Variants in MNAT1 observed in about 807,000 individuals in gnomAD.
The protein encoded by MNAT1 is MNAT1 component of CDK activating kinase, also known as CDK-activating kinase assembly factor MAT1.
MNAT1 carries 43 observed loss-of-function variants against 42.0 expected under a neutral mutation model. The observed-to-expected ratio is 1.02, with a 90% CI of 0.80 to 1.32. MNAT1 has a LOEUF of 1.32. MNAT1 is among the 40% of genes most tolerant of loss of function. MNAT1 has a pLI of 0.00. For missense variants in MNAT1, 306 were observed against 350.4 expected, an observed-to-expected ratio of 0.87 and a Z score of 1.01; for synonymous variants, 118 against 120.0, an observed-to-expected ratio of 0.98 and a Z score of 0.11.
rs368501809 is a variant in MNAT1 at position 60,879,885 on chromosome 14, T to C, written c.809+50T>C. 60 of 1,581,430 alleles carry C rather than the reference T, an allele frequency of 3.8e-5. No homozygotes were observed. In the African/African-American group the frequency reaches 4.3e-4, roughly 11 times the overall value. ...TTGAGGAGCTGATATGTGGGACTTA[T>C]TGCTGTTCTTAACTGACATGTTAAC... On this transcript the variant is annotated intron_variant, in intron 7 of 7. Transcript: ENST00000261245.
chr14:60,919,901 A>C (rs1043709167), intron 7 of MNAT1: 2 of 162,540 alleles, frequency 1.2e-5, no homozygotes, highest in Admixed American at 6.5e-5. Context: ...GCAGAGAGGC[A>C]GGTTGACTAT....
intron 7 of MNAT1, among the ~76,000 whole-genome samples, chr14:60,908,467 C>T (rs1381924344): frequency 6.6e-6 from 1 of 151,592 alleles, no homozygotes; most frequent in Non-Finnish European, 1.5e-5. Context: ...GCTATCCCTC[C>T]CCCAACCCCC....
Position 60,812,022 on chromosome 14 carries a change from A to G in MNAT1, c.456A>G (p.Glu152=), listed in dbSNP as rs570275790. The G allele has an allele frequency of 2.1e-5, 33 of 1,603,020 alleles. No homozygotes were observed. The South Asian group carries it at 3.3e-4, about 16-fold the overall frequency. Reference sequence around the variant, plus strand: ...AGGAAGAACTGGAAGAAGCTTTAGAAGTGGAACGACAGGAAAATGAACAAA... The same window carrying G: ...AGGAAGAACTGGAAGAAGCTTTAGAGGTGGAACGACAGGAAAATGAACAAA... The part of the protein sequence containing the change: ...REQEELEEAL[E]VERQENEQRR... The change falls in exon 5 of 8, where the codon GAA becomes GAG. Residue 152 remains glutamate, a synonymous_variant. Transcript: ENST00000261245.
At chr14:60,913,426 T>C (rs1353848412) in intron 7 of MNAT1, among the ~76,000 whole-genome samples, 3 of 152,218 alleles carry the variant, frequency 2.0e-5, no homozygotes, top group African/African-American at 4.8e-5. Context: ...TTTCCAGTTT[T>C]TCTGCTCTGT....
intron 6 of MNAT1, among the ~76,000 whole-genome samples, chr14:60,828,817 C>G (rs1022947751): frequency 6.6e-6 from 1 of 152,092 alleles, no homozygotes; most frequent in Non-Finnish European, 1.5e-5. Context: ...GCTCATGGAA[C>G]TTTGGGAAAC....
At chr14:60,927,621 T>C (rs2035793835) in intron 7 of MNAT1, among the ~76,000 whole-genome samples, 1 of 152,202 alleles carries the variant, frequency 6.6e-6, no homozygotes, top group African/African-American at 2.4e-5. Context: ...GTTTTGTAAG[T>C]AAAGTCTGAT....
chr14:60,838,943 C>A (rs907726194), intron 6 of MNAT1, among the ~76,000 whole-genome samples: 5 of 152,170 alleles, frequency 3.3e-5, no homozygotes, highest in African/African-American at 1.2e-4. Flanking sequence ...GTCACCTCAG[C>A]CCCCTCTGGA....
chr14:60,940,321 C>G (rs992385013), intron 7 of MNAT1, among the ~76,000 whole-genome samples: 2 of 152,218 alleles, frequency 1.3e-5, no homozygotes, highest in Non-Finnish European at 2.9e-5. Context: ...CAGTTTCTTC[C>G]TAGCCTCGAT....
intron 7 of MNAT1, among the ~76,000 whole-genome samples, chr14:60,907,782 CAAAAAAAAAAA>C (rs71114166): frequency 1.3e-5 from 1 of 77,574 alleles, no homozygotes; most frequent in African/African-American, 5.0e-5. Context: ...AACTGTGTCT[CAAAAAAAAAAA>C]AAAAAAAAAA....
At chr14:60,837,620 T>G (rs1257931416) in intron 6 of MNAT1, among the ~76,000 whole-genome samples, 1 of 152,226 alleles carries the variant, frequency 6.6e-6, no homozygotes, top group Non-Finnish European at 1.5e-5. Flanking sequence ...ACCCGCCTTC[T>G]GCATTGATCT....
At chr14:60,764,261 A>G (rs563646568) in intron 1 of MNAT1, among the ~76,000 whole-genome samples, 21 of 152,362 alleles carry the variant, frequency 1.4e-4, no homozygotes, top group African/African-American at 4.6e-4. Context: ...AAGCTCAAAA[A>G]TAAAAGGGGT....
chr14:60,902,462 T>C (rs1005516117), intron 7 of MNAT1, among the ~76,000 whole-genome samples: 1 of 152,182 alleles, frequency 6.6e-6, no homozygotes, highest in Non-Finnish European at 1.5e-5. Flanking sequence ...CTAAGCATTT[T>C]TATACATTTA....
rs1055305180 is a variant in MNAT1 at position 60,938,605 on chromosome 14, G to A, written c.810-29624G>A. 3.9e-5 allele frequency among the ~76,000 whole-genome samples: 6 copies of A among 152,140 alleles called. No homozygotes were observed. In the East Asian group the frequency reaches 1.2e-3, roughly 29 times the overall value. ...CTTGATCATGGTGGATAAGTGTTTT[G>A]ATATGCTGTGCTGCTGGATTTGGTT... On this transcript the variant is annotated intron_variant, in intron 7 of 7. Coordinates refer to ENST00000261245, the MANE Select transcript of MNAT1 (RefSeq NM_002431.4).
chr14:60,919,236 G>A (rs2035600031), intron 7 of MNAT1: 1 of 152,310 alleles, frequency 6.6e-6, no homozygotes, highest in Admixed American at 6.6e-5. Context: ...GCAGCACCTG[G>A]GCTCAGCTCA....
chr14:60,888,889 A>G (rs2034758005), intron 7 of MNAT1, among the ~76,000 whole-genome samples: 1 of 142,440 alleles, frequency 7.0e-6, no homozygotes, highest in Non-Finnish European at 1.5e-5. Flanking sequence ...TCCAACTTAG[A>G]AGGGATGTGA....
chr14:60,914,649 G>A (rs867927381), intron 7 of MNAT1, among the ~76,000 whole-genome samples: 5 of 152,016 alleles, frequency 3.3e-5, no homozygotes, highest in African/African-American at 9.7e-5. Flanking sequence ...GTTGTAGGTA[G>A]CTTCTGTGTT....
chr14:60,947,914 A>G (rs1488807830), intron 7 of MNAT1, among the ~76,000 whole-genome samples: 2 of 152,176 alleles, frequency 1.3e-5, no homozygotes, highest in Non-Finnish European at 1.5e-5. Flanking sequence ...CTGCGATGAC[A>G]GGTGGAAAGA....
At chr14:60,869,041 T>TATATATATATATATATATATATATATA (rs373998263) in intron 6 of MNAT1, among the ~76,000 whole-genome samples, 15 of 92,746 alleles carry the variant, frequency 1.6e-4, no homozygotes, top group Non-Finnish European at 2.6e-4. Flanking sequence ...TATATATATA[T>TATATATATATATATATATATATATATA]TTTTTTTTTT....
At chr14:60,841,844 A>T (rs1389597669) in intron 6 of MNAT1, among the ~76,000 whole-genome samples, 1 of 152,238 alleles carries the variant, frequency 6.6e-6, no homozygotes, top group Non-Finnish European at 1.5e-5. Flanking sequence ...TCATGGTGAT[A>T]CTATTCTGAA....
Sources: gnomAD v4.1 joint callset for allele counts (sites outside exome capture counted in the v4.1 genomes callset) on GRCh38, gnomAD v4.1.1 for gene constraint, MANE v1.5 for transcripts, NCBI Gene and HGNC (gene_info 2026-07-23, HGNC 2026-07-21) for gene names.